PLCG1: variants seen among roughly 807,000 people sequenced by gnomAD.
PLCG1 encodes 1-phosphatidylinositol 4,5-bisphosphate phosphodiesterase gamma-1.
A neutral mutation model predicts 177.8 loss-of-function variants in PLCG1; 71 were observed. The observed-to-expected ratio is 0.40, with a 90% CI of 0.33 to 0.49. The LOEUF (loss-of-function observed/expected upper bound fraction) is 0.49, where lower values mean the gene tolerates loss of function less well. Ranked by LOEUF, PLCG1 falls within the 20% of genes least tolerant of loss-of-function variation. The pLI is 0.72. For missense variants in PLCG1, 1,281 were observed against 1,709.0 expected (o/e 0.75, Z 4.42); for synonymous variants, 658 against 647.9 (o/e 1.02, Z -0.24).
rs2035616509 is a variant in PLCG1, at chr20:41,164,488, T to C, written c.1217+287T>C. Among the ~76,000 whole-genome samples, 1 of 152,256 alleles carries C rather than the reference T, an allele frequency of 6.6e-6. No homozygotes were observed. Among genetic ancestry groups the C allele is most frequent in the East Asian group, 1.9e-4 (1 of 5,176 alleles). ...TTCAGAAAACATGCCCTGGTTTCTT[T>C]AGGCCAGTGTCCTGCCAACTCCTTT... is the stretch of plus-strand genomic sequence containing the variant. On this transcript the variant is annotated intron_variant, in intron 12 of 31. Coordinates refer to ENST00000685551, the MANE Select transcript of PLCG1 (RefSeq NM_002660.3). The surrounding 1 kb of genome is among the most constrained non-coding windows in gnomAD (Gnocchi z 6.4).
rs1225741557 is a variant in PLCG1 at position 41,167,199 on chromosome 20, G to C, written c.2301+340G>C. Among the ~76,000 whole-genome samples the C allele has an allele frequency of 6.6e-6, 1 of 152,198 alleles. No homozygotes were observed. Among genetic ancestry groups the C allele is most frequent in the Admixed American group, 6.5e-5 (1 of 15,284 alleles). ...GCCTGGACTCTGTCCTAGGGCAGAT[G>C]AGATGAGGCTACCCAAGAGTGGTTG... On this transcript the variant is annotated intron_variant, in intron 19 of 31. Coordinates refer to ENST00000685551, the MANE Select transcript of PLCG1 (RefSeq NM_002660.3). The surrounding 1 kb of genome is among the most constrained non-coding windows in gnomAD (Gnocchi z 4.4).
intron 23 of PLCG1, 116 bp downstream of exon 23, chr20:41,169,642 T>TCCAAGCTCTCC: frequency 1.3e-6 from 1 of 781,834 alleles, no homozygotes; most frequent in South Asian, 1.6e-5. Flanking sequence ...CTGCCCTCAC[T>TCCAAGCTCTCC]CCAAGCTCTC....
Position 41,166,562 on chromosome 20 carries a change from G to A in PLCG1, c.2087G>A (p.Arg696Gln). ...PRDGAFLVRK[R>Q]NEPNSYAISF... ...GATGGGGCCTTCCTGGTGCGGAAGC[G>A]GAATGAACCCAACTCATATGCCATC... is the stretch of plus-strand genomic sequence containing the variant. The change falls in exon 18 of 32, where the codon CGG (arginine) becomes CAG (glutamine). Residue 696 changes from arginine (R) to glutamine (Q), a missense_variant. By Grantham distance (43) the Arg-to-Gln change is conservative. Coordinates refer to ENST00000685551, the MANE Select transcript of PLCG1 (RefSeq NM_002660.3). The surrounding 1 kb of genome is among the most constrained non-coding windows in gnomAD (Gnocchi z 8.6). The A allele has an allele frequency of 6.2e-7, 1 of 1,614,172 alleles. No individual in the cohort carries two copies. Among genetic ancestry groups the A allele is most frequent in the South Asian group, 1.1e-5 (1 of 91,090 alleles).
At position 41,174,146 on chromosome 20, in the gene PLCG1, C is replaced by T; in HGVS notation, c.3668C>T (p.Pro1223Leu). Residue 1223 changes from proline (P) to leucine (L), a missense_variant, in exon 31 of 32, where the codon CCC becomes CTC. By Grantham distance (98) the Pro-to-Leu change is moderately conservative. This residue lies in a region of PLCG1 where 153 missense variants were observed against 153.2 expected (regional missense o/e 1.00). Coordinates refer to ENST00000685551, the MANE Select transcript of PLCG1 (RefSeq NM_002660.3). This position sits in a 1 kb window ranked among gnomAD's most constrained non-coding sequence, Gnocchi z 5.8. ...AAGCAGGAGAATGGTGACCTCAGTCCCTTCAGTGGTACGTCCCTGCGGGAG... is the reference window on the plus strand; with the variant it reads ...AAGCAGGAGAATGGTGACCTCAGTCTCTTCAGTGGTACGTCCCTGCGGGAG... ...PAKQENGDLS[P>L]FSGTSLRERG... 1 of 1,613,820 alleles carries T rather than the reference C, an allele frequency of 6.2e-7. No homozygotes were observed. Among genetic ancestry groups the T allele is most frequent in the Non-Finnish European group, 8.5e-7 (1 of 1,179,742 alleles).
Position 41,169,636 on chromosome 20 carries a change from C to T in PLCG1, c.2650+110C>T, listed in dbSNP as rs1207278784. 5 of 844,094 alleles carry T rather than the reference C, an allele frequency of 5.9e-6. No individual in the cohort carries two copies. The East Asian group carries it at 1.2e-4, about 21-fold the overall frequency. The allele number at this position is 844,094 out of a possible 1,614,324, so 52.3% of individuals were successfully genotyped here. A position where few individuals can be genotyped will look rare whatever the true frequency, so the allele number is the denominator to read the frequency against. ...CTGATGGCTGAACCCCAAAGTCTGCCCTCACTCCAAGCTCTCCCCATGCTC... is the reference window on the plus strand; with the variant it reads ...CTGATGGCTGAACCCCAAAGTCTGCTCTCACTCCAAGCTCTCCCCATGCTC... On this transcript the variant is annotated intron_variant, in intron 23 of 31. Coordinates refer to ENST00000685551, the MANE Select transcript of PLCG1 (RefSeq NM_002660.3).
intron 1 of PLCG1, among the ~76,000 whole-genome samples, chr20:41,143,231 C>G (rs1212172451): frequency 2.0e-5 from 3 of 152,222 alleles, no homozygotes; most frequent in African/African-American, 7.2e-5. Flanking sequence ...TAGGGCCTGC[C>G]TCTGCTGTCA....
intron 1 of PLCG1, among the ~76,000 whole-genome samples, chr20:41,155,742 G>A (rs2035300393): frequency 6.6e-6 from 1 of 152,172 alleles, no homozygotes; most frequent in African/African-American, 2.4e-5. Flanking sequence ...TAGGCTCCAT[G>A]TCAATGGCAC....
chr20:41,162,364 A>T (rs1600658574), intron 4 of PLCG1, 88 bp from the exon 5 acceptor site: 1 of 885,086 alleles, frequency 1.1e-6, no homozygotes. Context: ...AGTGTTGTTT[A>T]CCTGTCCAGC....
At chr20:41,138,502 C>G (rs1353359169) in intron 1 of PLCG1, among the ~76,000 whole-genome samples, 4 of 145,484 alleles carry the variant, frequency 2.7e-5, no homozygotes, top group Non-Finnish European at 6.0e-5. Flanking sequence ...TTTTCTGCTA[C>G]TTTTGTCCCA....
Position 41,137,919 on chromosome 20 carries a change from G to C in PLCG1, c.217+61G>C. ...CGCGGGGGTCGTGGGAGCCCGGCCC[G>C]ACTGCTTGCACCCCGGCCGGCCGCC... On this transcript the variant is annotated intron_variant, in intron 1 of 31. Coordinates refer to ENST00000685551, the MANE Select transcript of PLCG1 (RefSeq NM_002660.3). The surrounding 1 kb of genome is among the most constrained non-coding windows in gnomAD (Gnocchi z 7.3). The C allele has an allele frequency of 1.8e-6, 2 of 1,140,222 alleles. No individual in the cohort carries two copies. Among genetic ancestry groups the C allele is most frequent in the African/African-American group, 3.2e-5 (2 of 62,426 alleles). The allele number at this position is 1,140,222 out of a possible 1,614,324, so 70.6% of individuals were successfully genotyped here.
At position 41,174,548 on chromosome 20, in the gene PLCG1, C is replaced by T. The variant is rs367892592; in HGVS notation, c.*39C>T. On this transcript the variant is annotated 3_prime_UTR_variant, in exon 32 of 32. Coordinates refer to ENST00000685551, the MANE Select transcript of PLCG1 (RefSeq NM_002660.3). This position sits in a 1 kb window ranked among gnomAD's most constrained non-coding sequence, Gnocchi z 5.8. ...TCGTTGGAGAGCAGCAGGTGCTGTG[C>T]GCCTTGTAGAATGCCGCGAACTGGG... is the stretch of plus-strand genomic sequence containing the variant. The T allele has an allele frequency of 2.2e-5, 34 of 1,554,568 alleles. No individual in the cohort carries two copies. The highest frequency in any genetic ancestry group is 1.7e-4 in the Middle Eastern group (1 of 6,002).
chr20:41,162,229 G>GTTTTTTTTTTTTTT (rs1326156945), intron 4 of PLCG1: 3 of 276,986 alleles, frequency 1.1e-5, no homozygotes, highest in African/African-American at 6.1e-5. Flanking sequence ...TGTTTGTTTT[G>GTTTTTTTTTTTTTT]TTTTTGTTTT....
intron 1 of PLCG1, among the ~76,000 whole-genome samples, chr20:41,143,900 T>C (rs1430830750): frequency 6.6e-6 from 1 of 152,202 alleles, no homozygotes; most frequent in Admixed American, 6.5e-5. Flanking sequence ...CACTTAACAG[T>C]ATTCATTTCC....
chr20:41,164,681 G>A lies in PLCG1; in HGVS notation c.1218-252G>A, dbSNP rs935788240. Reference sequence around the variant, plus strand: ...CTCTTTGGTGTGAAACATTTTTCTTGCACTGCTGAGCAGCCTCCATAATTG... The same window carrying A: ...CTCTTTGGTGTGAAACATTTTTCTTACACTGCTGAGCAGCCTCCATAATTG... On this transcript the variant is annotated intron_variant, in intron 12 of 31. Coordinates refer to ENST00000685551, the MANE Select transcript of PLCG1 (RefSeq NM_002660.3). The surrounding 1 kb of genome is among the most constrained non-coding windows in gnomAD (Gnocchi z 6.4). Among the ~76,000 whole-genome samples, 1 of 152,080 alleles carries A rather than the reference G, an allele frequency of 6.6e-6. No individual in the cohort carries two copies. Among genetic ancestry groups the A allele is most frequent in the African/African-American group, 2.4e-5 (1 of 41,412 alleles).
chr20:41,170,792 TCAG>T (rs2146058783), intron 24 of PLCG1: 1 of 153,170 alleles, frequency 6.5e-6, no homozygotes, highest in African/African-American at 2.4e-5. Flanking sequence ...CCCTTTGGAT[TCAG>T]CAGCAGCTAA....
chr20:41,164,601 C>T lies in PLCG1; in HGVS notation c.1218-332C>T, dbSNP rs1172750825. On this transcript the variant is annotated intron_variant, in intron 12 of 31. Transcript: ENST00000685551. The surrounding 1 kb of genome is among the most constrained non-coding windows in gnomAD (Gnocchi z 6.4). The stretch of plus-strand genomic sequence containing the variant: ...GCTTAAACTGTGGTCACTGGTCTCC[C>T]TTAGCTCACCAGGGCTCTAACAGCT... Among the ~76,000 whole-genome samples, 1 of 152,158 alleles carries T rather than the reference C, an allele frequency of 6.6e-6. No individual in the cohort carries two copies. The highest frequency in any genetic ancestry group is 1.5e-5 in the Non-Finnish European group (1 of 68,028).
chr20:41,163,715 T>C lies in PLCG1; in HGVS notation c.892T>C (p.Phe298Leu), dbSNP rs775384631. 6 of 1,595,116 alleles carry C rather than the reference T, an allele frequency of 3.8e-6. No individual in the cohort carries two copies. The highest frequency in any genetic ancestry group is 5.2e-6 in the Non-Finnish European group (6 of 1,162,752). The change falls in exon 10 of 32, where the codon TTT becomes CTT. Residue 298 changes from phenylalanine (F) to leucine (L), a missense_variant and splice_region_variant. Phe to Leu is a conservative substitution (Grantham distance 22, BLOSUM62 0). Around this residue, in one of 4 missense-constraint regions of PLCG1, gnomAD observed 374 missense variants for 443.8 expected, o/e 0.84. Coordinates refer to ENST00000685551, the MANE Select transcript of PLCG1 (RefSeq NM_002660.3). This position sits in a 1 kb window ranked among gnomAD's most constrained non-coding sequence, Gnocchi z 5.2. ...IEEPYFFLDEFVTFLFSKENS... is the reference protein window; with the variant it reads ...IEEPYFFLDELVTFLFSKENS... ...TTCCCTTCCACATGTTTCTGGACAG[T>C]TTGTCACCTTCCTGTTCTCCAAAGA...
chr20:41,149,382 G>C (rs1338507893), intron 1 of PLCG1, among the ~76,000 whole-genome samples: 1 of 152,194 alleles, frequency 6.6e-6, no homozygotes, highest in Non-Finnish European at 1.5e-5. Flanking sequence ...GCTGGATTGG[G>C]GGCTGGTGAG....
rs1169500865 is a variant in PLCG1 at position 41,172,978 on chromosome 20, A to T, written c.3279+101A>T. 2.3e-6 allele frequency: 3 copies of T among 1,307,534 alleles called. No individual in the cohort carries two copies. Among genetic ancestry groups the T allele is most frequent in the Non-Finnish European group, 3.1e-6 (3 of 952,484 alleles). The allele number at this position is 1,307,534 out of a possible 1,614,324, so 81.0% of individuals were successfully genotyped here. ...CAAAAGTAGGTATTTTCAGGCATCAAGGTGGTCAGGGTGGGTGGGGCCTGA... is the reference window on the plus strand; with the variant it reads ...CAAAAGTAGGTATTTTCAGGCATCATGGTGGTCAGGGTGGGTGGGGCCTGA... On this transcript the variant is annotated intron_variant, in intron 27 of 31. Coordinates refer to ENST00000685551, the MANE Select transcript of PLCG1 (RefSeq NM_002660.3). The surrounding 1 kb of genome is among the most constrained non-coding windows in gnomAD (Gnocchi z 7.0).
Sources: allele counts gnomAD v4.1 joint callset (sites outside exome capture counted in the v4.1 genomes callset), GRCh38; gene constraint gnomAD v4.1.1; regional missense constraint gnomAD v4.1.1; non-coding constraint Gnocchi (gnomAD v3.1); transcripts MANE v1.5; gene names NCBI Gene and HGNC (gene_info 2026-07-23, HGNC 2026-07-21).